The following MCPH1 variants were observed in gnomAD, a reference collection of about 807,000 sequenced individuals.
The protein encoded by MCPH1 is microcephalin 1.
Under a neutral mutation model 84.5 loss-of-function variants are expected in MCPH1, and 104 were observed. The observed-to-expected ratio is 1.23, with a 90% CI of 1.05 to 1.45. The LOEUF (loss-of-function observed/expected upper bound fraction) is 1.45, where lower values mean the gene tolerates loss of function less well. Among genes scored for constraint, MCPH1 ranks in the 40% most tolerant of loss-of-function variants. MCPH1 has a pLI of 0.00. For missense variants in MCPH1, 1,498 were observed against 1,005.7 expected, an observed-to-expected ratio of 1.49 and a Z score of -6.62; for synonymous variants, 514 against 366.8, an observed-to-expected ratio of 1.40 and a Z score of -4.58.
chr8:6,522,440 G>C (rs1275577378), intron 12 of MCPH1, among the ~76,000 whole-genome samples: 1 of 151,892 alleles, frequency 6.6e-6, no homozygotes, highest in African/African-American at 2.4e-5. Flanking sequence ...CGTTAATATA[G>C]ACATTATTAT....
At chr8:6,514,660 T>G (rs1815886938) in intron 12 of MCPH1, 1 of 1,607,404 alleles carries the variant, frequency 6.2e-7, no homozygotes, top group Non-Finnish European at 8.5e-7. Context: ...TTCTGATGCC[T>G]TAAAGAATGT....
intron 12 of MCPH1, among the ~76,000 whole-genome samples, chr8:6,584,087 T>A (rs1275183416): frequency 6.6e-6 from 1 of 152,148 alleles, no homozygotes. Flanking sequence ...TCTTCCAACA[T>A]TCCTGCCACA....
At chr8:6,572,803 T>C (rs1433389525) in intron 12 of MCPH1, among the ~76,000 whole-genome samples, 1 of 152,220 alleles carries the variant, frequency 6.6e-6, no homozygotes, top group Non-Finnish European at 1.5e-5. Flanking sequence ...CCCATCTGGA[T>C]GCACAAGCAC....
At chr8:6,608,159 A>T (rs1829947789) in intron 12 of MCPH1, among the ~76,000 whole-genome samples, 1 of 152,158 alleles carries the variant, frequency 6.6e-6, no homozygotes, top group South Asian at 2.1e-4. Context: ...CTCACGTGCG[A>T]GGGTGGGAGA....
At chr8:6,458,663 G>C (rs979253305) in intron 9 of MCPH1, among the ~76,000 whole-genome samples, 6 of 151,954 alleles carry the variant, frequency 3.9e-5, no homozygotes, top group African/African-American at 1.5e-4. Flanking sequence ...TTATTTTTCT[G>C]AGATGGAGTA....
At chr8:6,486,729 C>G (rs1809975654) in intron 11 of MCPH1, among the ~76,000 whole-genome samples, 1 of 152,130 alleles carries the variant, frequency 6.6e-6, no homozygotes, top group South Asian at 2.1e-4. Flanking sequence ...AAATAGAAAA[C>G]CATGCCAGGA....
rs190474633 is a variant in MCPH1, at chr8:6,574,711, G to A, written c.2215-46743G>A. Among the ~76,000 whole-genome samples the A allele has an allele frequency of 2.0e-5, 3 of 152,288 alleles. No individual in the cohort carries two copies. In the East Asian group the frequency reaches 5.8e-4, roughly 29 times the overall value. The stretch of plus-strand genomic sequence containing the variant: ...AGACACACCTGAAGCTGAAAGATAA[G>A]TGAAAACGAGTCATCCCAGGTGTAG... On this transcript the variant is annotated intron_variant, in intron 12 of 13. Transcript: ENST00000344683.
rs969521139 is a variant in MCPH1, at chr8:6,604,112, A to C, written c.2215-17342A>C. 2.0e-5 allele frequency among the ~76,000 whole-genome samples: 3 copies of C among 151,812 alleles called. No homozygotes were observed. The South Asian group carries it at 6.2e-4, about 32-fold the overall frequency. On this transcript the variant is annotated intron_variant, in intron 12 of 13. Coordinates refer to ENST00000344683, the MANE Select transcript of MCPH1 (RefSeq NM_024596.5). ...CTGGTGGCCTCTGGATGGGGACTGG[A>C]GCCTGATCTTGGACCTTCCCTGTCT...
chr8:6,540,277 T>G (rs1159077614), intron 12 of MCPH1, among the ~76,000 whole-genome samples: 2 of 152,260 alleles, frequency 1.3e-5, no homozygotes, highest in Non-Finnish European at 2.9e-5. Context: ...CAAAATTTGA[T>G]AAGGAAATGT....
At chr8:6,418,143 T>G (rs2129552132) in intron 3 of MCPH1, among the ~76,000 whole-genome samples, 1 of 152,266 alleles carries the variant, frequency 6.6e-6, no homozygotes, top group African/African-American at 2.4e-5. Flanking sequence ...TCCTGAGTCC[T>G]TACCTCATTT....
intron 12 of MCPH1, among the ~76,000 whole-genome samples, chr8:6,617,795 G>A (rs1830969005): frequency 6.6e-6 from 1 of 152,130 alleles, no homozygotes; most frequent in South Asian, 2.1e-4. Flanking sequence ...TCCCACCTCA[G>A]CCTCCCAAGT....
intron 12 of MCPH1, among the ~76,000 whole-genome samples, chr8:6,510,288 C>A (rs77528473): frequency 0.012 from 1,869 of 152,064 alleles, 38 homozygotes; most frequent in African/African-American, 0.043. Context: ...CACGTTGGGT[C>A]CTCACGTCCT....
Position 6,433,646 on chromosome 8 carries a change from AAAAAAAAAAC to A in MCPH1, c.321+2061_321+2070del, listed in dbSNP as rs1243712434. Among the ~76,000 whole-genome samples the A allele has an allele frequency of 3.0e-4, 45 of 151,766 alleles. 1 individual carries two copies. The highest frequency in any genetic ancestry group is 1.1e-3 in the African/African-American group (45 of 41,340). The stretch of plus-strand genomic sequence containing the variant: ...GCTCTGTCTCAAAAAAAAAAAAAAA[AAAAAAAAAAC>A]CTATTTCGTGATACTCTGACCAATA... On this transcript the variant is annotated intron_variant, in intron 4 of 13. Transcript: ENST00000344683.
At chr8:6,621,132 G>C in intron 12 of MCPH1, 4 of 392,170 alleles carry the variant, frequency 1.0e-5, no homozygotes, top group Non-Finnish European at 1.9e-5. Flanking sequence ...TGAGAGTTCA[G>C]CCTAGCTATG....
chr8:6,544,032 T>C (rs75915835), intron 12 of MCPH1, among the ~76,000 whole-genome samples: 26,530 of 152,186 alleles, frequency 0.17, 2,426 homozygotes, highest in African/African-American at 0.21. Flanking sequence ...TGTTTTCAGA[T>C]AAGAAACAAT....
chr8:6,445,381 A>T lies in MCPH1; in HGVS notation c.1659A>T (p.Lys553Asn), dbSNP rs1322020484. 1 of 1,614,280 alleles carries T rather than the reference A, an allele frequency of 6.2e-7. No individual in the cohort carries two copies. The highest frequency in any genetic ancestry group is 8.5e-7 in the Non-Finnish European group (1 of 1,180,056). ...TGGAAGGAAGCCTTGAAGAAATGAA[A>T]GAAGCGGTTGGTCTGAAAAGCACAC... is the stretch of plus-strand genomic sequence containing the variant. ...TPLEGSLEEM[K>N]EAVGLKSTQN... Residue 553 changes from lysine (K) to asparagine (N), a missense_variant, in exon 8 of 14, where the codon AAA becomes AAT. Transcript: ENST00000344683.
At chr8:6,427,784 GTTA>G (rs1285400726) in intron 3 of MCPH1, among the ~76,000 whole-genome samples, 1 of 105,348 alleles carries the variant, frequency 9.5e-6, no homozygotes, top group Non-Finnish European at 1.9e-5. Flanking sequence ...TTCGTAAGTA[GTTA>G]TTATACTGTT....
At chr8:6,490,711 T>C (rs1156481221) in intron 11 of MCPH1, among the ~76,000 whole-genome samples, 1 of 152,206 alleles carries the variant, frequency 6.6e-6, no homozygotes, top group Non-Finnish European at 1.5e-5. Context: ...CCAAATGAAA[T>C]GAATTTCATA....
chr8:6,569,715 A>C (rs1826502369), intron 12 of MCPH1, among the ~76,000 whole-genome samples: 1 of 152,196 alleles, frequency 6.6e-6, no homozygotes, highest in Admixed American at 6.5e-5. Flanking sequence ...GGAGAATTGA[A>C]AGCAATAATT....
Sources: gnomAD v4.1 joint callset for allele counts (sites outside exome capture counted in the v4.1 genomes callset) on GRCh38, gnomAD v4.1.1 for gene constraint, MANE v1.5 for transcripts, NCBI Gene and HGNC (gene_info 2026-07-23, HGNC 2026-07-21) for gene names.